Variants in RABGAP1L observed in about 807,000 individuals in gnomAD.
RABGAP1L encodes the protein rab GTPase-activating protein 1-like.
A neutral mutation model predicts 137.7 loss-of-function variants in RABGAP1L; 63 were observed. That is an observed-to-expected ratio of 0.46 (90% CI 0.37 to 0.56). The LOEUF (loss-of-function observed/expected upper bound fraction) is 0.56, where lower values mean the gene tolerates loss of function less well. Ranked by LOEUF, RABGAP1L falls within the 20% of genes least tolerant of loss-of-function variation. The pLI is 0.00. For synonymous variants in RABGAP1L, 431 were observed against 433.7 expected (o/e 0.99, Z 0.08); for missense variants, 1,095 against 1,244.0 (o/e 0.88, Z 1.80).
At chr1:174,730,522 A>G (rs998784385) in intron 17 of RABGAP1L, among the ~76,000 whole-genome samples, 2 of 152,234 alleles carry the variant, frequency 1.3e-5, no homozygotes, top group Non-Finnish European at 2.9e-5. Flanking sequence ...TGTAAATTCT[A>G]GAGTAATTAC....
chr1:174,628,804 T>C (rs1673105872), intron 13 of RABGAP1L, among the ~76,000 whole-genome samples: 1 of 152,200 alleles, frequency 6.6e-6, no homozygotes, highest in Non-Finnish European at 1.5e-5. Context: ...GAATGACTTG[T>C]TCCCTCTTCT....
intron 17 of RABGAP1L, among the ~76,000 whole-genome samples, chr1:174,703,080 T>C (rs928623772): frequency 3.9e-5 from 6 of 152,190 alleles, no homozygotes; most frequent in African/African-American, 1.2e-4. Context: ...CTAGACAGTT[T>C]TGTATTACTA....
At position 174,424,268 on chromosome 1, in the gene RABGAP1L, A is replaced by G. The variant is rs143471087; in HGVS notation, c.1710+30123A>G. 8.8e-3 allele frequency among the ~76,000 whole-genome samples: 1,345 copies of G among 152,168 alleles called. 11 individuals are homozygous for G. The highest frequency in any genetic ancestry group is 0.015 in the Non-Finnish European group (999 of 67,930). ...CTGTGGTATGACAATACCAACCTTT[A>G]TGTGCCTTATTTTCAGACTTTGTGC... is the stretch of plus-strand genomic sequence containing the variant. On this transcript the variant is annotated intron_variant, in intron 13 of 25. Transcript: ENST00000681986.
At chr1:174,959,469 C>CAGGTATGT (rs1668894203) in intron 20 of RABGAP1L, among the ~76,000 whole-genome samples, 1 of 152,082 alleles carries the variant, frequency 6.6e-6, no homozygotes, top group Non-Finnish European at 1.5e-5. Context: ...TGTGCCAAAG[C>CAGGTATGT]AGGTATGTAT....
chr1:174,350,256 G>A, intron 11 of RABGAP1L, among the ~76,000 whole-genome samples: 1 of 132,264 alleles, frequency 7.6e-6, no homozygotes. Flanking sequence ...TTCCCAGATG[G>A]GGTGGCTGCC....
intron 14 of RABGAP1L, among the ~76,000 whole-genome samples, chr1:174,672,818 C>G (rs1039773172): frequency 6.6e-6 from 1 of 152,082 alleles, no homozygotes; most frequent in African/African-American, 2.4e-5. Context: ...TGGAGATTTA[C>G]AGTTTTAAGG....
At chr1:174,918,090 T>G (rs1164933581) in intron 19 of RABGAP1L, among the ~76,000 whole-genome samples, 1 of 150,414 alleles carries the variant, frequency 6.6e-6, no homozygotes, top group Non-Finnish European at 1.5e-5. Context: ...ATTGCAGTTT[T>G]AATAATAATA....
At chr1:174,656,729 G>A (rs1344343027) in intron 14 of RABGAP1L, among the ~76,000 whole-genome samples, 4 of 152,174 alleles carry the variant, frequency 2.6e-5, no homozygotes, top group African/African-American at 9.7e-5. Flanking sequence ...AACTAATTCT[G>A]TAGAGTTTGT....
At chr1:174,501,316 C>A (rs1311880589) in intron 13 of RABGAP1L, among the ~76,000 whole-genome samples, 2 of 151,378 alleles carry the variant, frequency 1.3e-5, no homozygotes. Flanking sequence ...CGGGTTCAAG[C>A]GATTCTGCTG....
chr1:174,384,963 A>G (rs562667473), intron 12 of RABGAP1L, among the ~76,000 whole-genome samples: 3 of 152,298 alleles, frequency 2.0e-5, no homozygotes, highest in East Asian at 3.9e-4. Context: ...AGATTTATTT[A>G]TCTTATATCT....
At chr1:174,755,837 C>CT (rs1684708192) in intron 18 of RABGAP1L, among the ~76,000 whole-genome samples, 1 of 152,166 alleles carries the variant, frequency 6.6e-6, no homozygotes, top group Admixed American at 6.5e-5. Context: ...GAACAATACT[C>CT]TTTTTCATTC....
At chr1:174,805,754 G>T (rs561356760) in intron 18 of RABGAP1L, among the ~76,000 whole-genome samples, 3 of 152,054 alleles carry the variant, frequency 2.0e-5, no homozygotes, top group Non-Finnish European at 2.9e-5. Flanking sequence ...CACTCTCCTC[G>T]GCTTCCCAAA....
intron 17 of RABGAP1L, among the ~76,000 whole-genome samples, chr1:174,708,133 T>C (rs1680186664): frequency 6.6e-6 from 1 of 152,206 alleles, no homozygotes; most frequent in Non-Finnish European, 1.5e-5. Flanking sequence ...GCTTCTCTTC[T>C]CTTCTCAGGA....
At chr1:174,599,399 C>T (rs1670248478) in intron 13 of RABGAP1L, among the ~76,000 whole-genome samples, 1 of 152,088 alleles carries the variant, frequency 6.6e-6, no homozygotes, top group African/African-American at 2.4e-5. Flanking sequence ...TTATCATATT[C>T]TGTATTTGTC....
intron 14 of RABGAP1L, among the ~76,000 whole-genome samples, chr1:174,658,919 TAA>T (rs1676169651): frequency 6.6e-6 from 1 of 152,220 alleles, no homozygotes. Flanking sequence ...ACAAAACTGG[TAA>T]ACAAATTGAT....
At chr1:174,442,444 C>A (rs1208226867) in intron 13 of RABGAP1L, among the ~76,000 whole-genome samples, 4 of 152,108 alleles carry the variant, frequency 2.6e-5, no homozygotes, top group African/African-American at 9.7e-5. Context: ...AATACACTTT[C>A]TGTTCTATAT....
At position 174,790,177 on chromosome 1, in the gene RABGAP1L, TC is replaced by T. The variant is rs1328023686; in HGVS notation, c.2212-21653del. ...GTGAGCCGAGATCATGCCACTGCAT[TC>T]CAGTCTGGGAGACAGAGCAAGACTT... On this transcript the variant is annotated intron_variant, in intron 18 of 25. Coordinates refer to ENST00000681986, the MANE Select transcript of RABGAP1L (RefSeq NM_001366446.1). Among the ~76,000 whole-genome samples the T allele has an allele frequency of 3.3e-5, 5 of 151,680 alleles. No homozygotes were observed. The East Asian group carries it at 9.7e-4, about 29-fold the overall frequency.
At chr1:174,759,303 AAG>A (rs1491519257) in intron 18 of RABGAP1L, among the ~76,000 whole-genome samples, 2 of 149,862 alleles carry the variant, frequency 1.3e-5, no homozygotes, top group Admixed American at 6.6e-5. Context: ...AAAAAAAAAA[AAG>A]AAGTTTCAGC....
chr1:174,367,287 G>A (rs977380067), intron 11 of RABGAP1L: 8 of 152,546 alleles, frequency 5.2e-5, no homozygotes, highest in African/African-American at 1.9e-4. Context: ...TTTAAAGAAT[G>A]AAGGTATAGC....
Sources: gnomAD v4.1 joint callset for allele counts (sites outside exome capture counted in the v4.1 genomes callset) on GRCh38, gnomAD v4.1.1 for gene constraint, MANE v1.5 for transcripts, NCBI Gene and HGNC (gene_info 2026-07-23, HGNC 2026-07-21) for gene names.